NRXN1: variants seen among roughly 807,000 people sequenced by gnomAD.
NRXN1 encodes neurexin-1.
NRXN1 carries 39 observed loss-of-function variants against 150.9 expected under a neutral mutation model. The observed-to-expected ratio is 0.26, with a 90% confidence interval of 0.20 to 0.34. The LOEUF (loss-of-function observed/expected upper bound fraction) is 0.34, where lower values mean the gene tolerates loss of function less well. NRXN1 is among the 10% of genes least tolerant of loss of function. The pLI is 1.00. For missense variants in NRXN1, 1,815 were observed against 1,949.9 expected, an observed-to-expected ratio of 0.93 and a Z score of 1.30; for synonymous variants, 924 against 757.0, an observed-to-expected ratio of 1.22 and a Z score of -3.62.
At chr2:50,227,712 G>A (rs1213857104) in intron 18 of NRXN1, among the ~76,000 whole-genome samples, 1 of 151,980 alleles carries the variant, frequency 6.6e-6, no homozygotes, top group Non-Finnish European at 1.5e-5. Context: ...AGAGAGATTA[G>A]TTAGAAGGCT....
intron 5 of NRXN1, among the ~76,000 whole-genome samples, chr2:50,825,838 C>T (rs1559316781): frequency 6.6e-6 from 1 of 152,310 alleles, no homozygotes; most frequent in South Asian, 2.1e-4. Context: ...ACACTTTCTG[C>T]TGCTAGACTG....
chr2:50,330,294 T>C (rs1001861115), intron 17 of NRXN1, among the ~76,000 whole-genome samples: 1 of 152,190 alleles, frequency 6.6e-6, no homozygotes, highest in Admixed American at 6.5e-5. Context: ...AAACTTCTGT[T>C]TTCCAAATCT....
intron 2 of NRXN1, among the ~76,000 whole-genome samples, chr2:50,957,235 T>C (rs954943763): frequency 1.1e-4 from 17 of 152,110 alleles, no homozygotes; most frequent in Admixed American, 9.8e-4. Context: ...TAAACCTGGT[T>C]TCAAATTTTG....
intron 21 of NRXN1, among the ~76,000 whole-genome samples, chr2:49,977,926 T>G (rs12615365): frequency 0.48 from 72,646 of 151,876 alleles, 18,046 homozygotes; most frequent in Middle Eastern, 0.64. Context: ...CACTTTGGGA[T>G]GCTGAGTCGA....
At chr2:50,070,787 A>AAC (rs1696167690) in intron 19 of NRXN1, among the ~76,000 whole-genome samples, 1 of 151,628 alleles carries the variant, frequency 6.6e-6, no homozygotes, top group African/African-American at 2.4e-5. Context: ...AAAAAAAAAA[A>AAC]AACCTGTAAT....
intron 2 of NRXN1, among the ~76,000 whole-genome samples, chr2:50,933,029 T>G (rs1687997150): frequency 6.6e-6 from 1 of 151,960 alleles, no homozygotes; most frequent in South Asian, 2.1e-4. Flanking sequence ...AATTGCTTCC[T>G]CAAGAAAAAA....
chr2:50,033,527 G>A (rs1378178161), intron 21 of NRXN1, among the ~76,000 whole-genome samples: 1 of 151,976 alleles, frequency 6.6e-6, no homozygotes, highest in Non-Finnish European at 1.5e-5. Context: ...AAAAACCCTG[G>A]AAGACAACCT....
intron 18 of NRXN1, among the ~76,000 whole-genome samples, chr2:50,136,359 G>C (rs1053595456): frequency 6.6e-6 from 1 of 152,198 alleles, no homozygotes; most frequent in African/African-American, 2.4e-5. Flanking sequence ...AGGAAATCTT[G>C]ACGGTGATCT....
chr2:50,410,633 T>C (rs1453862345), intron 17 of NRXN1, among the ~76,000 whole-genome samples: 1 of 152,198 alleles, frequency 6.6e-6, no homozygotes, highest in Non-Finnish European at 1.5e-5. Flanking sequence ...TTTTAACTGC[T>C]GACCTTTGCT....
chr2:49,993,924 GT>G (rs1255938065), intron 21 of NRXN1, among the ~76,000 whole-genome samples: 1 of 152,146 alleles, frequency 6.6e-6, no homozygotes, highest in African/African-American at 2.4e-5. Flanking sequence ...CTGTGGTGAT[GT>G]TTTCTGCCTT....
At chr2:49,926,201 A>T in intron 22 of NRXN1, 1 of 391,262 alleles carries the variant, frequency 2.6e-6, no homozygotes. Flanking sequence ...TCATATTTAT[A>T]TTCACTTCTT....
chr2:50,689,408 T>C (rs2104863119), intron 5 of NRXN1, among the ~76,000 whole-genome samples: 1 of 152,274 alleles, frequency 6.6e-6, no homozygotes, highest in East Asian at 1.9e-4. Context: ...TCAATATAGG[T>C]AATCACTTGC....
chr2:50,181,660 A>G (rs1265587000), intron 18 of NRXN1, among the ~76,000 whole-genome samples: 1 of 152,110 alleles, frequency 6.6e-6, no homozygotes, highest in African/African-American at 2.4e-5. Flanking sequence ...ACACAAATAA[A>G]TATGCTCTGA....
intron 21 of NRXN1, among the ~76,000 whole-genome samples, chr2:49,981,818 A>C (rs763354571): frequency 1.4e-4 from 21 of 152,150 alleles, no homozygotes; most frequent in Non-Finnish European, 2.8e-4. Context: ...CCAAGGGAAA[A>C]TTCCAGCCTC....
intron 5 of NRXN1, among the ~76,000 whole-genome samples, chr2:50,877,902 T>C (rs1347921408): frequency 6.6e-6 from 1 of 151,996 alleles, no homozygotes; most frequent in Non-Finnish European, 1.5e-5. Context: ...TGGAGCCATA[T>C]AGGCATTCCA....
intron 5 of NRXN1, among the ~76,000 whole-genome samples, chr2:50,904,707 C>T (rs1347572702): frequency 6.6e-6 from 1 of 152,228 alleles, no homozygotes; most frequent in African/African-American, 2.4e-5. Context: ...TATCTAGATA[C>T]ATAATATTTT....
chr2:49,946,170 G>A (rs543874096), intron 21 of NRXN1, among the ~76,000 whole-genome samples: 19 of 152,074 alleles, frequency 1.2e-4, no homozygotes, highest in South Asian at 1.0e-3. Flanking sequence ...TGTGTTGGCC[G>A]TATAAATGTC....
intron 5 of NRXN1, among the ~76,000 whole-genome samples, chr2:50,914,911 G>T (rs377591272): frequency 6.6e-6 from 1 of 151,552 alleles, no homozygotes; most frequent in Non-Finnish European, 1.5e-5. Context: ...GGACCCTTGA[G>T]ACACATCAGG....
chr2:50,684,712 T>C (rs1288122394), intron 5 of NRXN1, among the ~76,000 whole-genome samples: 1 of 152,160 alleles, frequency 6.6e-6, no homozygotes, highest in Non-Finnish European at 1.5e-5. Flanking sequence ...TTGTAGATTA[T>C]GACAAACATA....
Sources: gnomAD v4.1 joint callset for allele counts (sites outside exome capture counted in the v4.1 genomes callset) on GRCh38, gnomAD v4.1.1 for gene constraint, MANE v1.5 for transcripts, NCBI Gene and HGNC (gene_info 2026-07-23, HGNC 2026-07-21) for gene names.